The following OR6C1 variants were observed in gnomAD, a reference collection of about 807,000 sequenced individuals.
The protein encoded by OR6C1 is olfactory receptor family 6 subfamily C member 1.
For synonymous variants in OR6C1, 157 were observed against 133.3 expected (o/e 1.18, Z -1.22); for missense variants, 386 against 366.1 (o/e 1.05, Z -0.44).
Position 55,320,774 on chromosome 12 carries a change from T to G in OR6C1, c.175T>G (p.Phe59Val), listed in dbSNP as rs1211710295. ...LDSHLQTPMY[F>V]FLRNFSILEI... ...TTCCCACCTGCAGACCCCCATGTAT[T>G]TCTTCCTCAGAAATTTCTCCATATT... is the stretch of plus-strand genomic sequence containing the variant. Residue 59 changes from phenylalanine to valine, a missense_variant, in exon 2 of 2, where the codon TTC becomes GTC. Physicochemically the swap from Phe to Val is conservative, Grantham distance 50 (BLOSUM62 -1). Coordinates refer to ENST00000642104, the MANE Select transcript of OR6C1 (RefSeq NM_001005182.2). 2 of 1,614,096 alleles carry G rather than the reference T, an allele frequency of 1.2e-6. No homozygotes were observed. The highest frequency in any genetic ancestry group is 4.5e-5 in the East Asian group (2 of 44,874).
At chr12:55,315,221 C>T (rs1868389224) in intron 1 of OR6C1, among the ~76,000 whole-genome samples, 1 of 151,626 alleles carries the variant, frequency 6.6e-6, no homozygotes, top group Non-Finnish European at 1.5e-5. Flanking sequence ...AATTTAAAGA[C>T]ATTAAGTAAC....
chr12:55,316,096 TAC>T (rs35664107), intron 1 of OR6C1, among the ~76,000 whole-genome samples: 15,867 of 140,748 alleles, frequency 0.11, 996 homozygotes, highest in East Asian at 0.18. Flanking sequence ...AAAAAGTACA[TAC>T]ACACACACAC....
chr12:55,320,290 G>C (rs1241012249), intron 1 of OR6C1, among the ~76,000 whole-genome samples: 1 of 152,164 alleles, frequency 6.6e-6, no homozygotes, highest in Non-Finnish European at 1.5e-5. Flanking sequence ...GTCTTTGAAA[G>C]ATAACAGGTA....
At chr12:55,314,921 A>G (rs1868385923) in intron 1 of OR6C1, among the ~76,000 whole-genome samples, 1 of 151,610 alleles carries the variant, frequency 6.6e-6, no homozygotes, top group Non-Finnish European at 1.5e-5. Flanking sequence ...AATTTCTCTG[A>G]GCCTCAGCTC....
At position 55,314,547 on chromosome 12, in the gene OR6C1, T is replaced by C. The variant is rs1185415758; in HGVS notation, c.-86T>C. ...TGGATAGCAATGGCATTTGCTAATA[T>C]CTCTACTATTCCAGCCATTCTGAAT... On this transcript the variant is annotated 5_prime_UTR_variant, in exon 1 of 2. Coordinates refer to ENST00000642104, the MANE Select transcript of OR6C1 (RefSeq NM_001005182.2). 1 of 151,576 alleles carries C rather than the reference T, an allele frequency of 6.6e-6. No homozygotes were observed. The highest frequency in any genetic ancestry group is 1.5e-5 in the Non-Finnish European group (1 of 67,668). 9.4% of individuals were successfully genotyped at this position (151,576 alleles called of 1,614,324 possible).
intron 1 of OR6C1, among the ~76,000 whole-genome samples, chr12:55,319,873 G>A (rs942630886): frequency 1.3e-5 from 2 of 152,188 alleles, no homozygotes; most frequent in African/African-American, 2.4e-5. Context: ...AGTTGCAGTG[G>A]CTCATGCCTG....
chr12:55,321,682 T>C lies in OR6C1; in HGVS notation c.*144T>C, dbSNP rs1425310598. On this transcript the variant is annotated 3_prime_UTR_variant, in exon 2 of 2. Transcript: ENST00000642104. ...TGCAAGCATATTTATTTAATATATT[T>C]CTCATTTGACTTAAAATAATTTTCT... 4.2e-6 allele frequency: 2 copies of C among 473,420 alleles called. No individual in the cohort carries two copies. The highest frequency in any genetic ancestry group is 7.2e-6 in the Non-Finnish European group (2 of 278,444). The allele number at this position is 473,420 out of a possible 1,614,324, so 29.3% of individuals were successfully genotyped here. A position where few individuals can be genotyped will look rare whatever the true frequency, so the allele number is the denominator to read the frequency against.
Position 55,320,912 on chromosome 12 carries a change from T to C in OR6C1, c.313T>C (p.Leu105=), listed in dbSNP as rs1189808060. The part of the protein sequence containing the change: ...CIVQLFFFIL[L]GVTEFYLLAA... ...AGTTCAGTTATTTTTCTTCATTCTC[T>C]TGGGAGTCACAGAGTTTTACCTTCT... Residue 105 remains leucine, a synonymous_variant, in exon 2 of 2, where the codon TTG becomes CTG. Transcript: ENST00000642104. The C allele has an allele frequency of 1.2e-6, 2 of 1,614,094 alleles. No homozygotes were observed. The highest frequency in any genetic ancestry group is 4.5e-5 in the East Asian group (2 of 44,880).
In OR6C1 at chr12:55,320,824, T is replaced by A. The variant is rs1416525395; in HGVS notation, c.225T>A (p.Ser75Arg). 2.5e-6 allele frequency: 4 copies of A among 1,613,090 alleles called. No homozygotes were observed. The South Asian group carries it at 4.4e-5, about 18-fold the overall frequency. Residue 75 changes from serine to arginine, a missense_variant, in exon 2 of 2, where the codon AGT becomes AGA. By Grantham distance (110) the Ser-to-Arg change is moderately radical (BLOSUM62 -1). Coordinates refer to ENST00000642104, the MANE Select transcript of OR6C1 (RefSeq NM_001005182.2). ...TAGAAATTTCGTTCACAACCGTCAG[T>A]ATACCCAAGTTTCTGGGTAACATTA... ...SILEISFTTV[S>R]IPKFLGNIIS...
At chr12:55,319,431 A>C (rs74449069) in intron 1 of OR6C1, among the ~76,000 whole-genome samples, 3,400 of 152,340 alleles carry the variant, frequency 0.022, 129 homozygotes, top group African/African-American at 0.077. Flanking sequence ...CAAGGAATAC[A>C]CACAGACCAG....
rs577918015 is a variant in OR6C1, at chr12:55,322,059, T to A, written c.*521T>A. 1.3e-5 allele frequency: 2 copies of A among 152,336 alleles called. No individual in the cohort carries two copies. The highest frequency in any genetic ancestry group is 4.8e-5 in the African/African-American group (2 of 41,588). 9.4% of individuals were successfully genotyped at this position (152,336 alleles called of 1,614,324 possible). On this transcript the variant is annotated 3_prime_UTR_variant, in exon 2 of 2. Transcript: ENST00000642104. ...TAATTAGGTATGTTGGTGAAATTAATCTATTAATAAAGGAGCCTAGACCAT... is the reference window on the plus strand; with the variant it reads ...TAATTAGGTATGTTGGTGAAATTAAACTATTAATAAAGGAGCCTAGACCAT...
At chr12:55,317,293 C>G (rs1868425555) in intron 1 of OR6C1, among the ~76,000 whole-genome samples, 1 of 151,836 alleles carries the variant, frequency 6.6e-6, no homozygotes, top group South Asian at 2.1e-4. Flanking sequence ...GTTGCTGGAG[C>G]TGGAGTAAAG....
At chr12:55,316,798 A>G (rs1868416668) in intron 1 of OR6C1, among the ~76,000 whole-genome samples, 1 of 151,970 alleles carries the variant, frequency 6.6e-6, no homozygotes, top group African/African-American at 2.4e-5. Flanking sequence ...ATTGGATCAC[A>G]TGCTACTAGA....
Position 55,321,087 on chromosome 12 carries a change from AG to A in OR6C1, c.489del (p.Lys163AsnfsTer31), listed in dbSNP as rs1473460154. 3.7e-6 allele frequency: 6 copies of A among 1,613,558 alleles called. No homozygotes were observed. Among genetic ancestry groups the A allele is most frequent in the Non-Finnish European group, 4.2e-6 (5 of 1,179,672 alleles). On this transcript the variant is annotated frameshift_variant, in exon 2 of 2. Coordinates refer to ENST00000642104, the MANE Select transcript of OR6C1 (RefSeq NM_001005182.2). LOFTEE classifies it low-confidence loss of function (END_TRUNC). Reference sequence around the variant, plus strand: ...TTCCCAGCACTCATGTTGCTTTTAAAGCTTCATTACTGTAGGTCTAATATTA... The same window carrying A: ...TTCCCAGCACTCATGTTGCTTTTAAACTTCATTACTGTAGGTCTAATATTA... ...IIFPALMLLLKLHYCRSNIID... is the reference protein window; with the variant it reads ...IIFPALMLLLXLHYCRSNIID...
chr12:55,320,579 A>T lies in OR6C1; in HGVS notation c.-21A>T, dbSNP rs775873617. On this transcript the variant is annotated 5_prime_UTR_variant, in exon 2 of 2. Coordinates refer to ENST00000642104, the MANE Select transcript of OR6C1 (RefSeq NM_001005182.2). The stretch of plus-strand genomic sequence containing the variant: ...CTTTCTCTTGTAGGTCTGGCAGGGG[A>T]AAAAAGAAAGCAACTGAAGAATGAG... The T allele has an allele frequency of 7.0e-7, 1 of 1,430,442 alleles. No homozygotes were observed. The highest frequency in any genetic ancestry group is 1.3e-5 in the South Asian group (1 of 79,286). The allele number at this position is 1,430,442 out of a possible 1,614,324, so 88.6% of individuals were successfully genotyped here. A position where few individuals can be genotyped will look rare whatever the true frequency, so the allele number is the denominator to read the frequency against.
In OR6C1 at chr12:55,321,567, C is replaced by T. The variant is rs760275757; in HGVS notation, c.*29C>T. 6.9e-7 allele frequency: 1 copy of T among 1,452,816 alleles called. No homozygotes were observed. The highest frequency in any genetic ancestry group is 9.4e-7 in the Non-Finnish European group (1 of 1,064,310). 90.0% of individuals were successfully genotyped at this position (1,452,816 alleles called of 1,614,324 possible). ...GGTATGGTGTGATGAATTAGAGGCACAGGAAAGGACAATATGAATTTTCAG... is the reference window on the plus strand; with the variant it reads ...GGTATGGTGTGATGAATTAGAGGCATAGGAAAGGACAATATGAATTTTCAG... On this transcript the variant is annotated 3_prime_UTR_variant, in exon 2 of 2. Transcript: ENST00000642104.
At chr12:55,319,438 C>T (rs1163433282) in intron 1 of OR6C1, among the ~76,000 whole-genome samples, 1 of 152,198 alleles carries the variant, frequency 6.6e-6, no homozygotes, top group East Asian at 1.9e-4. Flanking sequence ...TACACACAGA[C>T]CAGGTGGTTT....
intron 1 of OR6C1, among the ~76,000 whole-genome samples, chr12:55,318,212 G>A (rs1469143140): frequency 3.4e-5 from 5 of 145,740 alleles, no homozygotes; most frequent in Non-Finnish European, 1.5e-5. Context: ...CCTGGTTGAA[G>A]ATAAGTGGAG....
In OR6C1 at chr12:55,321,604, A is replaced by G. The variant is rs1363995129; in HGVS notation, c.*66A>G. The G allele has an allele frequency of 4.6e-6, 5 of 1,080,596 alleles. No individual in the cohort carries two copies. The highest frequency in any genetic ancestry group is 2.4e-5 in the Admixed American group (1 of 41,614). 66.9% of individuals were successfully genotyped at this position (1,080,596 alleles called of 1,614,324 possible). ...ATATGAATTTTCAGTAGCTTCTTCA[A>G]TCAAAATGGCCTCCTTGCAGTCTTC... On this transcript the variant is annotated 3_prime_UTR_variant, in exon 2 of 2. Transcript: ENST00000642104.
Sources: gnomAD v4.1 joint callset for allele counts (sites outside exome capture counted in the v4.1 genomes callset) on GRCh38, gnomAD v4.1.1 for gene constraint, MANE v1.5 for transcripts, NCBI Gene and HGNC (gene_info 2026-07-23, HGNC 2026-07-21) for gene names.